The following CCAR1 variants were observed in gnomAD, a reference collection of about 807,000 sequenced individuals.
The protein encoded by CCAR1 is cell division cycle and apoptosis regulator 1, also known as cell division cycle and apoptosis regulator protein 1.
CCAR1 carries 78 observed loss-of-function variants against 163.8 expected under a neutral mutation model. The observed-to-expected ratio is 0.48, with a 90% CI of 0.40 to 0.57. CCAR1 has a LOEUF of 0.57. Among genes scored for constraint, CCAR1 ranks in the 20% least tolerant of loss-of-function variants. The pLI is 0.00. For synonymous variants in CCAR1, 443 were observed against 460.7 expected, an observed-to-expected ratio of 0.96 and a Z score of 0.49; for missense variants, 1,019 against 1,365.2, an observed-to-expected ratio of 0.75 and a Z score of 4.00.
intron 23 of CCAR1, among the ~76,000 whole-genome samples, chr10:68,788,615 G>A (rs2056821885): frequency 6.6e-6 from 1 of 152,134 alleles, no homozygotes; most frequent in African/African-American, 2.4e-5. Flanking sequence ...CTCCCAAGTA[G>A]CTGGGATTAC....
In CCAR1 at chr10:68,764,148, A is replaced by G. The variant is rs186764050; in HGVS notation, c.2107-1740A>G. On this transcript the variant is annotated intron_variant, in intron 16 of 24. Transcript: ENST00000265872. ...CTGTGAATTTACACAGGTGCCTCTA[A>G]TTCTTCCAGTGATCTGACTCTACCC... Among the ~76,000 whole-genome samples, 869 of 152,230 alleles carry G rather than the reference A, an allele frequency of 5.7e-3. 5 individuals carry two copies. The highest frequency in any genetic ancestry group is 0.018 in the South Asian group (85 of 4,830).
intron 16 of CCAR1, among the ~76,000 whole-genome samples, chr10:68,762,190 G>C (rs369123471): frequency 6.6e-6 from 1 of 151,914 alleles, no homozygotes; most frequent in Non-Finnish European, 1.5e-5. Context: ...TTAGCTGGGC[G>C]TGGTTGCAGG....
intron 19 of CCAR1, among the ~76,000 whole-genome samples, chr10:68,781,146 T>C (rs1453359829): frequency 6.7e-6 from 1 of 148,876 alleles, no homozygotes; most frequent in East Asian, 2.0e-4. Flanking sequence ...GGCATGAGAA[T>C]TGTTTGAACC....
At chr10:68,746,363 G>T (rs1055152665) in intron 6 of CCAR1, among the ~76,000 whole-genome samples, 1 of 151,966 alleles carries the variant, frequency 6.6e-6, no homozygotes, top group Non-Finnish European at 1.5e-5. Context: ...TGCAACCTCC[G>T]CCTCTCGGGT....
chr10:68,721,408 T>TG (rs2055853347), intron 1 of CCAR1, 126 bp downstream of exon 1: 1 of 286,710 alleles, frequency 3.5e-6, no homozygotes, highest in South Asian at 2.5e-5. Flanking sequence ...GCGGCGACGG[T>TG]GGGGCTCTTG....
chr10:68,758,186 CT>C (rs2056419345), intron 15 of CCAR1, among the ~76,000 whole-genome samples: 1 of 152,072 alleles, frequency 6.6e-6, no homozygotes, highest in South Asian at 2.1e-4. Context: ...TCTCGAATAG[CT>C]TGGATTACAG....
Position 68,788,244 on chromosome 10 carries a change from G to A in CCAR1, c.3103G>A (p.Gly1035Arg), listed in dbSNP as rs2056817233. The change falls in exon 23 of 25, where the codon GGA becomes AGA. Residue 1035 changes from glycine (G) to arginine (R), a missense_variant. Coordinates refer to ENST00000265872, the MANE Select transcript of CCAR1 (RefSeq NM_018237.4). ...GTACAATGGTGCAATGGTAGATGTA[G>A]GAAGCCTCTTGCAAAAATTGGAAAA... is the stretch of plus-strand genomic sequence containing the variant. ...IVYNGAMVDVGSLLQKLEKSE... is the reference protein window; with the variant it reads ...IVYNGAMVDVRSLLQKLEKSE... 3.1e-6 allele frequency: 5 copies of A among 1,601,882 alleles called. No individual in the cohort carries two copies. The highest frequency in any genetic ancestry group is 4.3e-6 in the Non-Finnish European group (5 of 1,176,140).
intron 17 of CCAR1, among the ~76,000 whole-genome samples, chr10:68,768,229 G>T (rs2056558949): frequency 6.6e-6 from 1 of 152,078 alleles, no homozygotes; most frequent in East Asian, 1.9e-4. Flanking sequence ...TGTCCAAGTT[G>T]TTGGGATTTT....
chr10:68,777,980 G>T (rs1279041011), intron 19 of CCAR1, among the ~76,000 whole-genome samples: 1 of 152,106 alleles, frequency 6.6e-6, no homozygotes, highest in East Asian at 1.9e-4. Context: ...CAGTACTTTG[G>T]GAGGCCAAGG....
At chr10:68,724,449 A>G (rs879265289) in intron 2 of CCAR1, among the ~76,000 whole-genome samples, 2 of 152,116 alleles carry the variant, frequency 1.3e-5, no homozygotes, top group Non-Finnish European at 2.9e-5. Flanking sequence ...TGGGTGATAA[A>G]GGGAGACTCT....
At chr10:68,768,696 A>G (rs1385022370) in intron 17 of CCAR1, among the ~76,000 whole-genome samples, 1 of 151,808 alleles carries the variant, frequency 6.6e-6, no homozygotes, top group Admixed American at 6.6e-5. Flanking sequence ...ATAAATAAAT[A>G]CATAGGCTGG....
At position 68,772,914 on chromosome 10, in the gene CCAR1, C is replaced by T. The variant is rs1475590179; in HGVS notation, c.2539-74C>T. 4 of 709,538 alleles carry T rather than the reference C, an allele frequency of 5.6e-6. No homozygotes were observed. The South Asian group carries it at 6.1e-5, about 11-fold the overall frequency. 44.0% of individuals were successfully genotyped at this position (709,538 alleles called of 1,614,324 possible). A position where few individuals can be genotyped will look rare whatever the true frequency, so the allele number is the denominator to read the frequency against. On this transcript the variant is annotated intron_variant, in intron 18 of 24. Transcript: ENST00000265872. Reference sequence around the variant, plus strand: ...TCGCTTGAGCCCACGGGTTGGAGACCAGCGTGGGCAATATGGCAAAACCCC... The same window carrying T: ...TCGCTTGAGCCCACGGGTTGGAGACTAGCGTGGGCAATATGGCAAAACCCC...
intron 11 of CCAR1, among the ~76,000 whole-genome samples, 153 bp from the exon 12 acceptor site, chr10:68,754,561 G>A (rs1045025896): frequency 2.0e-5 from 3 of 152,192 alleles, no homozygotes; most frequent in Admixed American, 6.5e-5. Context: ...CACTTTGGGA[G>A]GCTGAGGTAT....
In CCAR1 at chr10:68,749,577, A is replaced by G. The variant is rs772016049; in HGVS notation, c.1010A>G (p.Lys337Arg). 1.2e-6 allele frequency: 2 copies of G among 1,613,908 alleles called. No homozygotes were observed. The highest frequency in any genetic ancestry group is 1.6e-4 in the Middle Eastern group (1 of 6,062). Residue 337 changes from lysine to arginine, a missense_variant, in exon 10 of 25, where the codon AAA becomes AGA. Transcript: ENST00000265872. The part of the protein sequence containing the change: ...RRSRERSPQR[K>R]RSRERSPRRE... Reference sequence around the variant, plus strand: ...TCGAGAGAAAGATCACCTCAGAGGAAACGTTCCCGGGAAAGATCTCCACGA... The same window carrying G: ...TCGAGAGAAAGATCACCTCAGAGGAGACGTTCCCGGGAAAGATCTCCACGA...
intron 23 of CCAR1, among the ~76,000 whole-genome samples, chr10:68,789,496 T>C (rs1218169660): frequency 6.6e-6 from 1 of 151,896 alleles, no homozygotes; most frequent in Non-Finnish European, 1.5e-5. Context: ...GCCACTTCGC[T>C]CAAGCTGGCG....
chr10:68,783,281 C>G (rs1483823432), intron 19 of CCAR1, among the ~76,000 whole-genome samples: 1 of 152,148 alleles, frequency 6.6e-6, no homozygotes, highest in Admixed American at 6.6e-5. Flanking sequence ...GCTCCGCCTC[C>G]CAGGTTCATG....
chr10:68,738,170 A>T (rs1336432785), intron 4 of CCAR1, among the ~76,000 whole-genome samples: 1 of 152,178 alleles, frequency 6.6e-6, no homozygotes, highest in African/African-American at 2.4e-5. Context: ...ATCCCAGCAT[A>T]CTGGGAAGCC....
chr10:68,777,599 A>G (rs1408299900), intron 19 of CCAR1, among the ~76,000 whole-genome samples: 1 of 151,918 alleles, frequency 6.6e-6, no homozygotes, highest in Non-Finnish European at 1.5e-5. Context: ...CGTGAGAATC[A>G]CTTGAACACA....
intron 8 of CCAR1, among the ~76,000 whole-genome samples, chr10:68,748,560 CT>C (rs1466176865): frequency 1.4e-5 from 2 of 144,152 alleles, no homozygotes; most frequent in African/African-American, 5.2e-5. Context: ...GTAATCTTGG[CT>C]CACTGCAACC....
Sources: allele counts gnomAD v4.1 joint callset (sites outside exome capture counted in the v4.1 genomes callset), GRCh38; gene constraint gnomAD v4.1.1; transcripts MANE v1.5; gene names NCBI Gene and HGNC (gene_info 2026-07-23, HGNC 2026-07-21).